CTNNA3: variants seen among roughly 807,000 people sequenced by gnomAD.
The protein encoded by CTNNA3 is catenin alpha 3, also known as catenin alpha-3.
CTNNA3 carries 76 observed loss-of-function variants against 95.7 expected under a neutral mutation model. The observed-to-expected ratio is 0.79, with a 90% confidence interval of 0.66 to 0.96. The LOEUF (loss-of-function observed/expected upper bound fraction) is 0.96, where lower values mean the gene tolerates loss of function less well. CTNNA3 is among the 40% of genes least tolerant of loss of function. The pLI is 0.00. For missense variants in CTNNA3, 1,191 were observed against 1,089.8 expected, an observed-to-expected ratio of 1.09 and a Z score of -1.31; for synonymous variants, 431 against 374.4, an observed-to-expected ratio of 1.15 and a Z score of -1.74.
intron 1 of CTNNA3, among the ~76,000 whole-genome samples, chr10:67,684,870 C>G (rs758757346): frequency 6.6e-6 from 1 of 152,166 alleles, no homozygotes; most frequent in African/African-American, 2.4e-5. Flanking sequence ...TTGCCCAACT[C>G]CAGAGGTTGG....
chr10:67,140,787 A>G (rs1159728939), intron 7 of CTNNA3, among the ~76,000 whole-genome samples: 1 of 152,192 alleles, frequency 6.6e-6, no homozygotes, highest in Non-Finnish European at 1.5e-5. Flanking sequence ...AGGGGGAAAT[A>G]CCAGTTCTTT....
chr10:65,966,794 G>A, intron 16 of CTNNA3, 48 bp from the exon 17 acceptor site: 1 of 1,472,146 alleles, frequency 6.8e-7, no homozygotes, highest in East Asian at 2.3e-5. Flanking sequence ...ATAAATAATA[G>A]TTAGATCAAG....
intron 13 of CTNNA3, among the ~76,000 whole-genome samples, chr10:66,166,280 T>C (rs2085121801): frequency 1.3e-5 from 2 of 151,828 alleles, no homozygotes; most frequent in South Asian, 4.2e-4. Context: ...AAGACCAGCC[T>C]GGCCAACATG....
intron 15 of CTNNA3, among the ~76,000 whole-genome samples, chr10:66,026,215 G>A (rs376159812): frequency 2.0e-5 from 3 of 152,204 alleles, no homozygotes; most frequent in East Asian, 1.9e-4. Context: ...CATCTGCTTC[G>A]TATAGGAGAA....
At chr10:66,513,651 T>G (rs114207946) in intron 11 of CTNNA3, among the ~76,000 whole-genome samples, 39 of 152,264 alleles carry the variant, frequency 2.6e-4, no homozygotes, top group African/African-American at 9.4e-4. Flanking sequence ...GTGGCACGTT[T>G]GGGGATCAGT....
chr10:66,571,861 G>A (rs1006511000), intron 10 of CTNNA3, among the ~76,000 whole-genome samples: 6 of 152,044 alleles, frequency 3.9e-5, no homozygotes, highest in African/African-American at 7.2e-5. Flanking sequence ...TGAAGCCGCC[G>A]AGGCACAATG....
chr10:67,510,520 T>A (rs1415142396), intron 5 of CTNNA3, among the ~76,000 whole-genome samples: 1 of 152,024 alleles, frequency 6.6e-6, no homozygotes, highest in Non-Finnish European at 1.5e-5. Flanking sequence ...GTGGTGTTAT[T>A]TCTGAGGCCT....
intron 10 of CTNNA3, among the ~76,000 whole-genome samples, chr10:66,539,632 C>T (rs565294053): frequency 1.3e-5 from 2 of 152,234 alleles, no homozygotes; most frequent in African/African-American, 4.8e-5. Flanking sequence ...AGGCCTTTTA[C>T]CTTCCCATGG....
intron 6 of CTNNA3, among the ~76,000 whole-genome samples, chr10:67,185,660 T>C (rs903668782): frequency 6.6e-6 from 1 of 152,144 alleles, no homozygotes; most frequent in African/African-American, 2.4e-5. Context: ...ATTTGCCACT[T>C]TTACCACATC....
At chr10:66,023,591 A>T (rs1208168826) in intron 15 of CTNNA3, among the ~76,000 whole-genome samples, 1 of 152,140 alleles carries the variant, frequency 6.6e-6, no homozygotes, top group Non-Finnish European at 1.5e-5. Context: ...TATGAATGTT[A>T]CAACAAATTA....
At chr10:67,636,204 G>T (rs958964983) in intron 2 of CTNNA3, among the ~76,000 whole-genome samples, 4 of 152,148 alleles carry the variant, frequency 2.6e-5, no homozygotes, top group Admixed American at 2.6e-4. Flanking sequence ...CATCCTCATG[G>T]ATAGGAAGAA....
chr10:66,907,694 GAAC>G (rs1846047291), intron 7 of CTNNA3, among the ~76,000 whole-genome samples: 1 of 152,088 alleles, frequency 6.6e-6, no homozygotes, highest in Admixed American at 6.5e-5. Flanking sequence ...ATAGTTCAGA[GAAC>G]ATCATCAATA....
chr10:66,556,710 C>T (rs1842401609), intron 10 of CTNNA3, among the ~76,000 whole-genome samples: 1 of 151,902 alleles, frequency 6.6e-6, no homozygotes, highest in Admixed American at 6.6e-5. Context: ...AGCTGGTTAT[C>T]AGGGGCAGAA....
chr10:67,064,830 C>G (rs1378776320), intron 7 of CTNNA3, among the ~76,000 whole-genome samples: 1 of 152,120 alleles, frequency 6.6e-6, no homozygotes, highest in Non-Finnish European at 1.5e-5. Flanking sequence ...TCTTTTCAGT[C>G]AGAGGGACAG....
At chr10:66,800,397 T>C (rs1841385810) in intron 7 of CTNNA3, among the ~76,000 whole-genome samples, 3 of 151,172 alleles carry the variant, frequency 2.0e-5, no homozygotes, top group Admixed American at 6.6e-5. Context: ...AGTTTATCCA[T>C]GGAATTATAG....
intron 15 of CTNNA3, among the ~76,000 whole-genome samples, chr10:66,007,250 C>A (rs1222499760): frequency 6.6e-6 from 1 of 151,986 alleles, no homozygotes; most frequent in Admixed American, 6.6e-5. Context: ...TTAAAGGGTA[C>A]AATTTAAAAA....
intron 9 of CTNNA3, among the ~76,000 whole-genome samples, chr10:66,672,524 GT>G (rs1421675958): frequency 2.6e-5 from 4 of 152,096 alleles, no homozygotes; most frequent in Admixed American, 6.6e-5. Context: ...TGGGGGTTAT[GT>G]ATCAAAATTT....
chr10:66,211,650 T>C (rs999809374), intron 13 of CTNNA3, among the ~76,000 whole-genome samples: 6 of 152,196 alleles, frequency 3.9e-5, no homozygotes, highest in African/African-American at 1.4e-4. Flanking sequence ...CCAACCCTAA[T>C]ATCTGCAGTA....
intron 5 of CTNNA3, among the ~76,000 whole-genome samples, chr10:67,452,037 T>C (rs1178931692): frequency 1.0e-5 from 1 of 95,636 alleles, no homozygotes; most frequent in Non-Finnish European, 2.0e-5. Flanking sequence ...GAGAAAGGGA[T>C]GGAGGGAGGG....
Sources: allele counts gnomAD v4.1 joint callset (sites outside exome capture counted in the v4.1 genomes callset), GRCh38; gene constraint gnomAD v4.1.1; transcripts MANE v1.5; gene names NCBI Gene and HGNC (gene_info 2026-07-23, HGNC 2026-07-21).